CORO7: variants seen among roughly 807,000 people sequenced by gnomAD.
The protein encoded by CORO7 is coronin 7, also known as coronin-7.
In CORO7, 107 loss-of-function variants were observed where a neutral mutation model predicts 126.6. The ratio of observed to expected loss-of-function variants is 0.85; its 90% CI spans 0.72 to 0.99. The LOEUF is 0.99. Among genes scored for constraint, CORO7 ranks in the 50% least tolerant of loss-of-function variants. CORO7 has a pLI of 0.00. For synonymous variants in CORO7, 603 were observed against 536.8 expected (o/e 1.12, Z -1.70); for missense variants, 1,314 against 1,255.8 (o/e 1.05, Z -0.70).
chr16:4,382,648 G>C (rs1482843594), intron 9 of CORO7: 1 of 1,555,406 alleles, frequency 6.4e-7, no homozygotes, highest in South Asian at 1.2e-5. Context: ...GGCCGCGCTG[G>C]CTGCGGTGGG....
chr16:4,359,253 G>A, intron 23 of CORO7, 43 bp downstream of exon 23: 1 of 1,545,036 alleles, frequency 6.5e-7, no homozygotes, highest in Non-Finnish European at 8.7e-7. Flanking sequence ...GGGCAGGGCA[G>A]CCTTGTGGTC....
chr16:4,395,172 G>A, intron 7 of CORO7, 117 bp downstream of exon 7: 1 of 1,450,222 alleles, frequency 6.9e-7, no homozygotes, highest in Non-Finnish European at 9.5e-7. Flanking sequence ...GACCCCTGGT[G>A]CTGCAGAACA....
At chr16:4,391,659 A>T (rs150915501) in intron 7 of CORO7, among the ~76,000 whole-genome samples, 106 of 152,360 alleles carry the variant, frequency 7.0e-4, no homozygotes, top group African/African-American at 2.5e-3. Context: ...TGAGCCCAGG[A>T]GGTCAAAGCT....
intron 7 of CORO7, among the ~76,000 whole-genome samples, chr16:4,394,302 A>C (rs1390955622): frequency 6.6e-6 from 1 of 151,946 alleles, no homozygotes; most frequent in Non-Finnish European, 1.5e-5. Flanking sequence ...AAACAAAAAT[A>C]GCCGGGCGTG....
chr16:4,366,052 C>A (rs1286230347), intron 9 of CORO7, among the ~76,000 whole-genome samples: 1 of 152,224 alleles, frequency 6.6e-6, no homozygotes, highest in African/African-American at 2.4e-5. Flanking sequence ...TACTCAGTTA[C>A]CCCACGTTTC....
In CORO7 at chr16:4,388,746, G is replaced by C. The variant is rs1006983336; in HGVS notation, c.616-115C>G. On this transcript the variant is annotated intron_variant, in intron 7 of 27. Transcript: ENST00000251166. ...TGCCCACCTGCCTGAAAGCCTCACA[G>C]AGGGTGGGAAGGGCTGGGTCCTTCT... The C allele has an allele frequency of 2.5e-6, 3 of 1,188,902 alleles. No individual in the cohort carries two copies. The African/African-American group carries it at 4.6e-5, about 18-fold the overall frequency. The allele number at this position is 1,188,902 out of a possible 1,614,324, so 73.6% of individuals were successfully genotyped here.
At chr16:4,403,823 C>G (rs970479946) in intron 6 of CORO7, among the ~76,000 whole-genome samples, 1 of 152,194 alleles carries the variant, frequency 6.6e-6, no homozygotes, top group Non-Finnish European at 1.5e-5. Context: ...GGCAGCCATC[C>G]CTGAGTCCTG....
In CORO7 at chr16:4,362,916, CAG is replaced by C. The variant is rs2054229917; in HGVS notation, c.1276-180_1276-179del. On this transcript the variant is annotated intron_variant, in intron 14 of 27. Transcript: ENST00000251166. This position sits in a 1 kb window ranked among gnomAD's most constrained non-coding sequence, Gnocchi z 5.3. ...GCATAAACGCAGACACACAGGGAAG[CAG>C]CCGAGCTTCAGACCGCGGGGACAGC... 2 of 711,980 alleles carry C rather than the reference CAG, an allele frequency of 2.8e-6. No homozygotes were observed. Among genetic ancestry groups the C allele is most frequent in the African/African-American group, 3.7e-5 (2 of 54,404 alleles). The allele number at this position is 711,980 out of a possible 1,614,324, so 44.1% of individuals were successfully genotyped here.
intron 1 of CORO7, chr16:4,415,704 C>T (rs1296280185): frequency 1.0e-6 from 1 of 985,534 alleles, no homozygotes; most frequent in Non-Finnish European, 1.2e-6. Flanking sequence ...GAGGACACTC[C>T]CAGGCCTTAC....
At chr16:4,371,820 T>A (rs942705917) in intron 9 of CORO7, 1 of 151,832 alleles carries the variant, frequency 6.6e-6, no homozygotes, top group Non-Finnish European at 1.5e-5. Context: ...CCCGGGACTC[T>A]TAAGGCGCGA....
At chr16:4,380,855 C>T (rs953035539) in intron 9 of CORO7, 27 of 1,474,750 alleles carry the variant, frequency 1.8e-5, no homozygotes, top group Non-Finnish European at 2.4e-5. Flanking sequence ...TCTCTGCCTC[C>T]TCTCTGCTCC....
chr16:4,388,415 G>T (rs1001660361), intron 8 of CORO7, 130 bp downstream of exon 8: 9 of 1,031,802 alleles, frequency 8.7e-6, no homozygotes, highest in Non-Finnish European at 1.3e-5. Flanking sequence ...CGGCAGCACA[G>T]CCAGGCCGTA....
Position 4,395,271 on chromosome 16 carries a change from C to T in CORO7, c.615+18G>A. 2 of 1,613,982 alleles carry T rather than the reference C, an allele frequency of 1.2e-6. No individual in the cohort carries two copies. The highest frequency in any genetic ancestry group is 1.7e-6 in the Non-Finnish European group (2 of 1,179,980). ...CAGTGGAGGCTTCAACCCACCCCAG[C>T]TTGCCCACACAACTCACCTGAGAGG... is the stretch of plus-strand genomic sequence containing the variant. On this transcript the variant is annotated intron_variant, in intron 7 of 27. Coordinates refer to ENST00000251166, the MANE Select transcript of CORO7 (RefSeq NM_024535.5).
intron 9 of CORO7, among the ~76,000 whole-genome samples, chr16:4,379,623 G>T (rs1442235089): frequency 4.6e-5 from 7 of 152,068 alleles, no homozygotes; most frequent in Non-Finnish European, 7.4e-5. Flanking sequence ...TGAGGTGACG[G>T]TAAACACTTA....
chr16:4,381,649 G>C, intron 9 of CORO7: 1 of 1,602,084 alleles, frequency 6.2e-7, no homozygotes, highest in Non-Finnish European at 8.5e-7. Flanking sequence ...GCTGCGGCCC[G>C]AGGACCTGGC....
At position 4,415,861 on chromosome 16, in the gene CORO7, G is replaced by A. The variant is rs1041548098; in HGVS notation, c.60+598C>T. On this transcript the variant is annotated intron_variant, in intron 1 of 27. Coordinates refer to ENST00000251166, the MANE Select transcript of CORO7 (RefSeq NM_024535.5). ...GGCTCCACCTGCTCAGGCTTCCCCA[G>A]GCCCCACCCAGCCGTGGCAGCATCA... 1.2e-5 allele frequency: 12 copies of A among 985,516 alleles called. No individual in the cohort carries two copies. The African/African-American group carries it at 1.6e-4, about 13-fold the overall frequency. 61.0% of individuals were successfully genotyped at this position (985,516 alleles called of 1,614,324 possible).
intron 7 of CORO7, among the ~76,000 whole-genome samples, chr16:4,390,938 G>A (rs966193751): frequency 3.3e-5 from 5 of 152,230 alleles, no homozygotes; most frequent in African/African-American, 7.2e-5. Flanking sequence ...GCCAGCTCTT[G>A]CTCCCTGGAG....
In CORO7 at chr16:4,382,552, G is replaced by A. The variant is rs778026023; in HGVS notation, c.785+5434C>T. On this transcript the variant is annotated intron_variant, in intron 9 of 27. Coordinates refer to ENST00000251166, the MANE Select transcript of CORO7 (RefSeq NM_024535.5). ...CGGGGAGGCCCATACACCCCCAGCC[G>A]TCCACTCCAACCACGCCCCAGTCAC... 1.6e-5 allele frequency: 25 copies of A among 1,593,288 alleles called. No homozygotes were observed. Among genetic ancestry groups the A allele is most frequent in the Middle Eastern group, 1.7e-4 (1 of 6,058 alleles).
At chr16:4,401,563 G>T (rs2055809321) in intron 6 of CORO7, among the ~76,000 whole-genome samples, 1 of 152,222 alleles carries the variant, frequency 6.6e-6, no homozygotes, top group South Asian at 2.1e-4. Flanking sequence ...ACAGAGAGAG[G>T]AGGATGAGAG....
Sources: gnomAD v4.1 joint callset for allele counts (sites outside exome capture counted in the v4.1 genomes callset) on GRCh38, gnomAD v4.1.1 for gene constraint, Gnocchi (gnomAD v3.1) non-coding constraint, MANE v1.5 for transcripts, NCBI Gene and HGNC (gene_info 2026-07-23, HGNC 2026-07-21) for gene names.